GLIS3: variants seen among roughly 807,000 people sequenced by gnomAD.
The protein encoded by GLIS3 is GLIS family zinc finger 3.
A neutral mutation model predicts 78.6 loss-of-function variants in GLIS3; 53 were observed. The observed-to-expected ratio is 0.67, with a 90% CI of 0.54 to 0.85. GLIS3 has a LOEUF of 0.85. Ranked by LOEUF, GLIS3 falls within the 40% of genes least tolerant of loss-of-function variation. The pLI, the probability that GLIS3 is intolerant of heterozygous loss-of-function variation, is 0.00. For missense variants in GLIS3, 1,703 were observed against 1,231.1 expected (o/e 1.38, Z -5.74); for synonymous variants, 684 against 509.9 (o/e 1.34, Z -4.60).
chr9:3,947,099 C>T (rs888812148), intron 4 of GLIS3, among the ~76,000 whole-genome samples: 1 of 152,208 alleles, frequency 6.6e-6, no homozygotes, highest in African/African-American at 2.4e-5. Context: ...CAGGTTATAA[C>T]TATGCTTGGC....
the GLIS3 span, among the ~76,000 whole-genome samples, chr9:4,438,465 G>C: frequency 6.6e-6 from 1 of 152,168 alleles, no homozygotes; most frequent in Admixed American, 6.5e-5. Flanking sequence ...GGTGAGACAA[G>C]TCAAAGGGAT....
chr9:4,135,094 T>C (rs1272929697), intron 2 of GLIS3, among the ~76,000 whole-genome samples: 2 of 152,204 alleles, frequency 1.3e-5, no homozygotes, highest in Non-Finnish European at 2.9e-5. Context: ...CCCCAAATTA[T>C]GTTAGGAATT....
chr9:4,240,995 A>G (rs1342038215), intron 2 of GLIS3, among the ~76,000 whole-genome samples: 1 of 152,060 alleles, frequency 6.6e-6, no homozygotes, highest in Non-Finnish European at 1.5e-5. Flanking sequence ...ATTTTAAACT[A>G]ATTTTCTATT....
At chr9:3,873,162 A>C (rs1379354225) in intron 8 of GLIS3, among the ~76,000 whole-genome samples, 1 of 152,226 alleles carries the variant, frequency 6.6e-6, no homozygotes, top group Non-Finnish European at 1.5e-5. Context: ...AATGTACAGA[A>C]AACTAATTCC....
At chr9:4,258,128 AT>A (rs1334314257) in intron 2 of GLIS3, among the ~76,000 whole-genome samples, 1 of 152,018 alleles carries the variant, frequency 6.6e-6, no homozygotes, top group Non-Finnish European at 1.5e-5. Context: ...TATTCTTTCT[AT>A]TTTCAGTACT....
At chr9:4,320,901 C>T (rs983098616) in intron 2 of GLIS3, among the ~76,000 whole-genome samples, 12 of 152,070 alleles carry the variant, frequency 7.9e-5, no homozygotes, top group Non-Finnish European at 1.6e-4. Flanking sequence ...TAAGTTTTTT[C>T]AAAATGCAAG....
At chr9:4,135,684 C>A (rs1328353418) in intron 2 of GLIS3, among the ~76,000 whole-genome samples, 5 of 152,120 alleles carry the variant, frequency 3.3e-5, no homozygotes, top group South Asian at 4.2e-4. Flanking sequence ...TCAATCCAAG[C>A]CTTTCCTCTT....
the GLIS3 span, among the ~76,000 whole-genome samples, chr9:4,465,926 T>G: frequency 6.6e-6 from 1 of 152,128 alleles, no homozygotes; most frequent in Admixed American, 6.5e-5. Context: ...TTGCCAAGAT[T>G]TGAGAGTAAA....
intron 7 of GLIS3, among the ~76,000 whole-genome samples, chr9:3,886,982 G>A (rs1405730264): frequency 6.6e-6 from 1 of 152,136 alleles, no homozygotes; most frequent in African/African-American, 2.4e-5. Flanking sequence ...ATCAGGAAGG[G>A]CATCATTCCA....
At position 4,118,457 on chromosome 9, in the gene GLIS3, G is replaced by A. The variant is rs1187543120; in HGVS notation, c.1021C>T (p.Leu341=). 2 of 1,613,600 alleles carry A rather than the reference G, an allele frequency of 1.2e-6. No homozygotes were observed. Among genetic ancestry groups the A allele is most frequent in the Non-Finnish European group, 1.7e-6 (2 of 1,180,042 alleles). ...INGSRASPAN[L]SPQPEVYGHF... is the part of the protein sequence containing the mutation. Reference sequence around the variant, plus strand: ...CCGTAGACCTCCGGCTGCGGGGACAGGTTGGCCGGCGAAGCCCTCGACCCG... The same window carrying A: ...CCGTAGACCTCCGGCTGCGGGGACAAGTTGGCCGGCGAAGCCCTCGACCCG... The change falls in exon 4 of 11, where the codon CTG becomes TTG. Residue 341 remains leucine (L), a synonymous_variant. Transcript: ENST00000381971. This position sits in a 1 kb window ranked among gnomAD's most constrained non-coding sequence, Gnocchi z 4.7.
At chr9:4,144,503 T>C (rs1586799420) in intron 2 of GLIS3, among the ~76,000 whole-genome samples, 1 of 152,214 alleles carries the variant, frequency 6.6e-6, no homozygotes, top group East Asian at 1.9e-4. Context: ...AATTAGATGG[T>C]TGTTTATACA....
At chr9:4,207,360 C>G (rs939873059) in intron 2 of GLIS3, among the ~76,000 whole-genome samples, 1 of 152,092 alleles carries the variant, frequency 6.6e-6, no homozygotes, top group African/African-American at 2.4e-5. Flanking sequence ...TCCATTCAGC[C>G]CAAGGCAAAT....
chr9:4,236,351 G>A (rs572821961), intron 2 of GLIS3, among the ~76,000 whole-genome samples: 2 of 152,148 alleles, frequency 1.3e-5, no homozygotes, highest in South Asian at 4.1e-4. Flanking sequence ...TATTAAAGTT[G>A]TGAGTTTTTA....
chr9:4,430,648 A>G, the GLIS3 span, among the ~76,000 whole-genome samples: 1 of 152,246 alleles, frequency 6.6e-6, no homozygotes, highest in Admixed American at 6.5e-5. Flanking sequence ...GAGGATAGAT[A>G]TCTTCATTCT....
intron 2 of GLIS3, among the ~76,000 whole-genome samples, chr9:4,322,114 T>TG (rs1368641697): frequency 6.6e-6 from 1 of 151,892 alleles, no homozygotes; most frequent in African/African-American, 2.4e-5. Context: ...CACCTATGAG[T>TG]GAGAACATGC....
At chr9:4,257,030 T>C (rs112021705) in intron 2 of GLIS3, among the ~76,000 whole-genome samples, 40 of 152,330 alleles carry the variant, frequency 2.6e-4, no homozygotes, top group African/African-American at 9.6e-4. Flanking sequence ...TGTGTTAATA[T>C]TAATGTACAT....
At chr9:4,361,630 C>G in the GLIS3 span, among the ~76,000 whole-genome samples, 6 of 152,318 alleles carry the variant, frequency 3.9e-5, no homozygotes, top group South Asian at 1.0e-3. Context: ...GAAGCCCAAG[C>G]TTTTGGGTCT....
chr9:4,196,300 T>C (rs1198722478), intron 2 of GLIS3, among the ~76,000 whole-genome samples: 1 of 152,184 alleles, frequency 6.6e-6, no homozygotes, highest in Non-Finnish European at 1.5e-5. Flanking sequence ...AATGGACCAA[T>C]CAGCTCTCTG....
intron 7 of GLIS3, among the ~76,000 whole-genome samples, chr9:3,895,090 C>T (rs1822728707): frequency 6.6e-6 from 1 of 152,202 alleles, no homozygotes; most frequent in Admixed American, 6.5e-5. Flanking sequence ...GACTCCCTGC[C>T]AAGACCAGGC....
Sources: gnomAD v4.1 joint callset for allele counts (sites outside exome capture counted in the v4.1 genomes callset) on GRCh38, gnomAD v4.1.1 for gene constraint, Gnocchi (gnomAD v3.1) non-coding constraint, MANE v1.5 for transcripts, NCBI Gene and HGNC (gene_info 2026-07-23, HGNC 2026-07-21) for gene names.